ADAMTS19: variants seen among roughly 807,000 people sequenced by gnomAD.
ADAMTS19 encodes the protein ADAM metallopeptidase with thrombospondin type 1 motif 19.
Under a neutral mutation model 153.3 loss-of-function variants are expected in ADAMTS19, and 93 were observed. The ratio of observed to expected loss-of-function variants is 0.61; its 90% CI spans 0.51 to 0.72. The LOEUF is 0.72. Ranked by LOEUF, ADAMTS19 falls within the 30% of genes least tolerant of loss-of-function variation. The pLI is 0.00. For missense variants in ADAMTS19, 1,482 were observed against 1,552.1 expected (o/e 0.95, Z 0.76); for synonymous variants, 600 against 556.6 (o/e 1.08, Z -1.10).
At chr5:129,489,448 C>G (rs1363652643) in intron 2 of ADAMTS19, among the ~76,000 whole-genome samples, 2 of 152,006 alleles carry the variant, frequency 1.3e-5, no homozygotes, top group African/African-American at 2.4e-5. Context: ...ATAAGGTTTC[C>G]TCTGGTTAAG....
chr5:129,497,365 C>T (rs1302041862), intron 2 of ADAMTS19, among the ~76,000 whole-genome samples: 1 of 151,932 alleles, frequency 6.6e-6, no homozygotes, highest in Non-Finnish European at 1.5e-5. Context: ...TTTCTCTATC[C>T]TCTTTTACTG....
chr5:129,519,987 A>G (rs117212822), intron 3 of ADAMTS19, among the ~76,000 whole-genome samples: 1,650 of 152,254 alleles, frequency 0.011, 58 homozygotes, highest in Admixed American at 0.068. Context: ...GATCAAAGTT[A>G]AAATGAAGAT....
In ADAMTS19 at chr5:129,647,858, A is replaced by G. The variant is rs1285587399; in HGVS notation, c.1966A>G (p.Ser656Gly). The G allele has an allele frequency of 6.2e-7, 1 of 1,614,098 alleles. No individual in the cohort carries two copies. Among genetic ancestry groups the G allele is most frequent in the Non-Finnish European group, 8.5e-7 (1 of 1,179,954 alleles). Residue 656 changes from serine (S) to glycine (G), a missense_variant, in exon 12 of 23, where the codon AGT (serine) becomes GGT (glycine). By Grantham distance (56) the Ser-to-Gly change is moderately conservative. Coordinates refer to ENST00000274487, the MANE Select transcript of ADAMTS19 (RefSeq NM_133638.6). ...GTGGAGTCCTTGTAGCCGAACCTGC[A>G]GTGCTGGGATCAGCAGTCGAGAGCG... ...SLWSPCSRTC[S>G]AGISSRERKC...
Position 129,543,030 on chromosome 5 carries a change from TG to T in ADAMTS19, c.1329-8833del, listed in dbSNP as rs200579681. Among the ~76,000 whole-genome samples, 666 of 148,690 alleles carry T rather than the reference TG, an allele frequency of 4.5e-3. 5 individuals carry two copies. Among genetic ancestry groups the T allele is most frequent in the East Asian group, 0.026 (131 of 5,112 alleles). ...ACTAGTTTTTGTTGTTGTTTTTTTT[TG>T]TTGTTGTTGTTGTTTTGTTTTTTTT... On this transcript the variant is annotated intron_variant, in intron 6 of 22. Transcript: ENST00000274487.
chr5:129,577,482 A>G (rs1749199208), intron 7 of ADAMTS19, among the ~76,000 whole-genome samples: 1 of 152,140 alleles, frequency 6.6e-6, no homozygotes, highest in Non-Finnish European at 1.5e-5. Context: ...CCAGGGGAGA[A>G]GGAAATTTAT....
intron 8 of ADAMTS19, among the ~76,000 whole-genome samples, chr5:129,609,460 AT>A (rs1342453219): frequency 1.3e-5 from 2 of 152,074 alleles, no homozygotes; most frequent in Non-Finnish European, 2.9e-5. Flanking sequence ...TGAAAAGGAG[AT>A]TTTCAGCCTT....
chr5:129,696,940 T>C (rs905131501), intron 19 of ADAMTS19, among the ~76,000 whole-genome samples: 2 of 152,134 alleles, frequency 1.3e-5, no homozygotes, highest in Non-Finnish European at 2.9e-5. Flanking sequence ...CCTTAAAATG[T>C]GCTGGACTCT....
chr5:129,527,840 G>C lies in ADAMTS19; in HGVS notation c.1170+9G>C, dbSNP rs1752070116. The C allele has an allele frequency of 6.4e-7, 1 of 1,550,418 alleles. No individual in the cohort carries two copies. Reference sequence around the variant, plus strand: ...TGCTCCATGAAACTCCAGTAAGAAAGTCTTGAGTTTTTTATTAAATTAAAT... The same window carrying C: ...TGCTCCATGAAACTCCAGTAAGAAACTCTTGAGTTTTTTATTAAATTAAAT... On this transcript the variant is annotated intron_variant, in intron 5 of 22. Transcript: ENST00000274487.
chr5:129,699,606 G>C (rs538741527), intron 19 of ADAMTS19, among the ~76,000 whole-genome samples: 4 of 152,146 alleles, frequency 2.6e-5, no homozygotes, highest in Non-Finnish European at 5.9e-5. Context: ...TATCTAATAA[G>C]TCGTGTGAGT....
At chr5:129,552,547 T>A (rs1753162031) in intron 7 of ADAMTS19, among the ~76,000 whole-genome samples, 1 of 151,470 alleles carries the variant, frequency 6.6e-6, no homozygotes, top group African/African-American at 2.4e-5. Context: ...TATATATATT[T>A]AATTTTAAGT....
At chr5:129,690,995 G>T (rs1755307903) in intron 18 of ADAMTS19, among the ~76,000 whole-genome samples, 1 of 152,050 alleles carries the variant, frequency 6.6e-6, no homozygotes, top group African/African-American at 2.4e-5. Context: ...ATATGTTTCA[G>T]CATTTACAAT....
chr5:129,666,551 A>G (rs1754063306), intron 16 of ADAMTS19, among the ~76,000 whole-genome samples: 1 of 152,220 alleles, frequency 6.6e-6, no homozygotes, highest in East Asian at 1.9e-4. Context: ...ACATAATCTA[A>G]ACTCAGATTG....
chr5:129,598,848 T>G (rs1438213178), intron 8 of ADAMTS19, among the ~76,000 whole-genome samples: 1 of 152,160 alleles, frequency 6.6e-6, no homozygotes, highest in Non-Finnish European at 1.5e-5. Context: ...CATATCCAAG[T>G]CCAGCAGTTG....
intron 6 of ADAMTS19, among the ~76,000 whole-genome samples, chr5:129,532,053 T>C (rs1338629341): frequency 6.6e-6 from 1 of 152,042 alleles, no homozygotes; most frequent in African/African-American, 2.4e-5. Context: ...AAGCTAAAAC[T>C]CTATTGTAGC....
At chr5:129,718,928 A>T (rs39623) in intron 21 of ADAMTS19, among the ~76,000 whole-genome samples, 143,541 of 152,236 alleles carry the variant, frequency 0.94, 67,780 homozygotes, top group East Asian at 1. Flanking sequence ...AGTAAAGCAT[A>T]ACAGAGCCTT....
intron 7 of ADAMTS19, among the ~76,000 whole-genome samples, chr5:129,581,193 TTCTTC>T (rs1317553209): frequency 5.1e-4 from 77 of 152,320 alleles, no homozygotes; most frequent in African/African-American, 1.8e-3. Context: ...ATTTATCTAT[TTCTTC>T]TAGATTTTCT....
chr5:129,485,806 A>C (rs532252886), intron 2 of ADAMTS19, among the ~76,000 whole-genome samples: 1 of 152,168 alleles, frequency 6.6e-6, no homozygotes, highest in African/African-American at 2.4e-5. Flanking sequence ...TTATTTATTT[A>C]TTTTGAGATG....
chr5:129,466,873 C>A (rs935136911), intron 2 of ADAMTS19, among the ~76,000 whole-genome samples: 9 of 152,116 alleles, frequency 5.9e-5, no homozygotes, highest in Non-Finnish European at 1.3e-4. Context: ...AAGCAATTTT[C>A]AACACAGGTT....
chr5:129,662,976 C>T (rs991417571), intron 15 of ADAMTS19, among the ~76,000 whole-genome samples: 1 of 143,776 alleles, frequency 7.0e-6, no homozygotes, highest in Non-Finnish European at 1.5e-5. Context: ...CTCACTGCAA[C>T]TTCTGCCTCC....
Sources: gnomAD v4.1 joint callset for allele counts (sites outside exome capture counted in the v4.1 genomes callset) on GRCh38, gnomAD v4.1.1 for gene constraint, MANE v1.5 for transcripts, NCBI Gene and HGNC (gene_info 2026-07-23, HGNC 2026-07-21) for gene names.